The following RNLS variants were observed in gnomAD, a reference collection of about 807,000 sequenced individuals.
RNLS encodes the protein renalase, FAD dependent amine oxidase.
In RNLS, 39 loss-of-function variants were observed where a neutral mutation model predicts 39.8. That is an observed-to-expected ratio of 0.98 (90% CI 0.76 to 1.28). The LOEUF (loss-of-function observed/expected upper bound fraction) is 1.28, where lower values mean the gene tolerates loss of function less well. Among genes scored for constraint, RNLS ranks in the 50% most tolerant of loss-of-function variants. The pLI, the probability that RNLS is intolerant of heterozygous loss-of-function variation, is 0.00. For synonymous variants in RNLS, 147 were observed against 150.7 expected, an observed-to-expected ratio of 0.98 and a Z score of 0.18; for missense variants, 410 against 413.3, an observed-to-expected ratio of 0.99 and a Z score of 0.07.
intron 4 of RNLS, among the ~76,000 whole-genome samples, chr10:88,378,974 A>G (rs1851242213): frequency 6.6e-6 from 1 of 152,206 alleles, no homozygotes; most frequent in African/African-American, 2.4e-5. Flanking sequence ...TACTACCACT[A>G]TAAAGTATTA....
intron 3 of RNLS, among the ~76,000 whole-genome samples, chr10:88,574,530 A>G (rs1035940844): frequency 6.6e-6 from 1 of 152,224 alleles, no homozygotes; most frequent in African/African-American, 2.4e-5. Context: ...TTATCTATGT[A>G]ATAATACTCA....
At chr10:88,579,403 G>A (rs975632269) in intron 3 of RNLS, among the ~76,000 whole-genome samples, 12 of 152,082 alleles carry the variant, frequency 7.9e-5, no homozygotes, top group Non-Finnish European at 1.6e-4. Context: ...TGGCTGGTTT[G>A]GGGGGAAAAG....
intron 5 of RNLS, among the ~76,000 whole-genome samples, chr10:88,320,695 A>G (rs1298395466): frequency 6.7e-6 from 1 of 150,070 alleles, no homozygotes; most frequent in Non-Finnish European, 1.5e-5. Context: ...TAAAAAAAAA[A>G]GACAAAGAAG....
At chr10:88,479,852 G>T (rs1844054678) in intron 4 of RNLS, among the ~76,000 whole-genome samples, 1 of 147,100 alleles carries the variant, frequency 6.8e-6, no homozygotes. Flanking sequence ...AAATCCAGAT[G>T]CAACATATGA....
the RNLS span, among the ~76,000 whole-genome samples, chr10:88,220,157 G>A: frequency 6.6e-6 from 1 of 152,322 alleles, no homozygotes; most frequent in East Asian, 1.9e-4. Context: ...TGAAAATCCA[G>A]AAAGAGGACA....
At chr10:88,351,360 T>C (rs1364743522) in intron 5 of RNLS, among the ~76,000 whole-genome samples, 1 of 152,234 alleles carries the variant, frequency 6.6e-6, no homozygotes, top group Non-Finnish European at 1.5e-5. Flanking sequence ...TTTATGGTTT[T>C]AGGTCTAACA....
intron 4 of RNLS, among the ~76,000 whole-genome samples, chr10:88,457,560 A>C (rs1224541833): frequency 6.6e-6 from 1 of 152,220 alleles, no homozygotes; most frequent in Non-Finnish European, 1.5e-5. Context: ...TGACGTTGAA[A>C]CCAATGCAAT....
At chr10:88,481,749 A>T (rs1480906745) in intron 4 of RNLS, among the ~76,000 whole-genome samples, 1 of 152,178 alleles carries the variant, frequency 6.6e-6, no homozygotes, top group Non-Finnish European at 1.5e-5. Flanking sequence ...AGAGCCTTTT[A>T]TATTATTAAC....
downstream of RNLS, chr10:88,273,770 G>A (rs1177403295): frequency 1.3e-5 from 2 of 152,152 alleles, no homozygotes; most frequent in African/African-American, 2.4e-5. Flanking sequence ...TATGCGAACA[G>A]GATGTGAAAG....
intron 5 of RNLS, among the ~76,000 whole-genome samples, chr10:88,335,847 T>C (rs534943832): frequency 7.9e-5 from 12 of 152,350 alleles, no homozygotes; most frequent in African/African-American, 1.7e-4. Flanking sequence ...GCTAGGATGA[T>C]TGTTATTCAG....
chr10:88,285,431 C>T lies in RNLS; in HGVS notation c.952G>A (p.Gly318Arg). 6.2e-7 allele frequency: 1 copy of T among 1,613,262 alleles called. No homozygotes were observed. The change falls in exon 7 of 7, where the codon GGA (glycine) becomes AGA (arginine). Residue 318 changes from glycine to arginine, a missense_variant. By Grantham distance (125) the Gly-to-Arg change is moderately radical (BLOSUM62 -2). Transcript: ENST00000331772. ...CCATCAAAGTTGGACTGAGTAAATC[C>T]ATCCCCTCCACATGCAAGGAAAGGT... The part of the protein sequence containing the change: ...HKPFLACGGD[G>R]FTQSNFDGCI...
chr10:88,229,801 C>T, the RNLS span, among the ~76,000 whole-genome samples: 10 of 152,278 alleles, frequency 6.6e-5, no homozygotes, highest in Non-Finnish European at 1.5e-4. Flanking sequence ...TTTCATTTAG[C>T]ATACTCTTTT....
intron 4 of RNLS, among the ~76,000 whole-genome samples, chr10:88,529,796 C>T (rs1381409170): frequency 6.6e-6 from 1 of 152,094 alleles, no homozygotes; most frequent in African/African-American, 2.4e-5. Flanking sequence ...CAAATCTGAA[C>T]ATTGTTATTT....
the RNLS span, among the ~76,000 whole-genome samples, chr10:88,245,876 G>A: frequency 6.6e-5 from 10 of 152,252 alleles, no homozygotes; most frequent in South Asian, 1.7e-3. Flanking sequence ...AGGCAACCTC[G>A]AATCCCACCA....
chr10:88,199,893 C>T, the RNLS span, among the ~76,000 whole-genome samples: 1 of 152,194 alleles, frequency 6.6e-6, no homozygotes, highest in Non-Finnish European at 1.5e-5. Flanking sequence ...TTTTGGGAAA[C>T]TAAGGCAGGA....
chr10:88,372,522 A>G (rs901506164), intron 4 of RNLS, among the ~76,000 whole-genome samples: 11 of 152,118 alleles, frequency 7.2e-5, no homozygotes, highest in Non-Finnish European at 1.5e-4. Flanking sequence ...GGTCCTGTGA[A>G]ACCGAAATGA....
intron 5 of RNLS, among the ~76,000 whole-genome samples, chr10:88,360,777 C>T (rs1329481424): frequency 6.6e-6 from 1 of 152,152 alleles, no homozygotes; most frequent in Non-Finnish European, 1.5e-5. Context: ...TTCAGTGTGA[C>T]TCCAACAGCT....
chr10:88,578,985 G>A (rs1850367591), intron 3 of RNLS, among the ~76,000 whole-genome samples: 1 of 152,120 alleles, frequency 6.6e-6, no homozygotes, highest in Non-Finnish European at 1.5e-5. Context: ...GTGTAGGGGT[G>A]AAATTTCAGT....
chr10:88,233,095 G>A, the RNLS span, among the ~76,000 whole-genome samples: 2 of 152,160 alleles, frequency 1.3e-5, no homozygotes, highest in Non-Finnish European at 2.9e-5. Context: ...GTCTGCCTGC[G>A]TCTAAACCCC....
Sources: allele counts gnomAD v4.1 joint callset (sites outside exome capture counted in the v4.1 genomes callset), GRCh38; gene constraint gnomAD v4.1.1; transcripts MANE v1.5; gene names NCBI Gene and HGNC (gene_info 2026-07-23, HGNC 2026-07-21).